The following CPAMD8 variants were observed in gnomAD, a reference collection of about 807,000 sequenced individuals.
The protein encoded by CPAMD8 is C3 and PZP like alpha-2-macroglobulin domain containing 8.
CPAMD8 carries 146 observed loss-of-function variants against 224.7 expected under a neutral mutation model. The ratio of observed to expected loss-of-function variants is 0.65; its 90% CI spans 0.57 to 0.75. CPAMD8 has a LOEUF of 0.75. Among genes scored for constraint, CPAMD8 ranks in the 30% least tolerant of loss-of-function variants. The probability of loss-of-function intolerance (pLI) is 0.00; values close to 1 mark genes in which losing one functional copy is unlikely to be tolerated. For synonymous variants in CPAMD8, 966 were observed against 1,044.6 expected (o/e 0.92, Z 1.45); for missense variants, 2,301 against 2,537.5 (o/e 0.91, Z 2.00).
chr19:17,001,901 C>G lies in CPAMD8; in HGVS notation c.758+365G>C, dbSNP rs561380496. On this transcript the variant is annotated intron_variant, in intron 9 of 41. Transcript: ENST00000443236. ...GGCACGGGAAAGGATGATGCTCTAG[C>G]GGGTGGCCACATCCTGGGGAGGGGA... 3.4e-5 allele frequency among the ~76,000 whole-genome samples: 5 copies of G among 149,054 alleles called. No individual in the cohort carries two copies. The East Asian group carries it at 6.1e-4, about 18-fold the overall frequency.
chr19:17,013,772 T>C (rs984368722), intron 3 of CPAMD8, among the ~76,000 whole-genome samples: 1 of 151,990 alleles, frequency 6.6e-6, no homozygotes, highest in Non-Finnish European at 1.5e-5. Context: ...CGGAATTATA[T>C]GTTTTAGAAT....
chr19:17,026,530 C>T (rs781033648), intron 1 of CPAMD8, 21 bp downstream of exon 1: 24 of 1,482,948 alleles, frequency 1.6e-5, no homozygotes, highest in Non-Finnish European at 2.1e-5. Context: ...CCGACCTCCT[C>T]TGTCGCCGGA....
At chr19:16,913,601 T>C (rs925970909) in intron 29 of CPAMD8, among the ~76,000 whole-genome samples, 1 of 152,096 alleles carries the variant, frequency 6.6e-6, no homozygotes, top group Admixed American at 6.6e-5. Context: ...ACTTACTCCA[T>C]GGTATTTTGT....
chr19:16,941,215 G>A (rs555340221), intron 22 of CPAMD8, among the ~76,000 whole-genome samples: 2 of 152,350 alleles, frequency 1.3e-5, no homozygotes, highest in African/African-American at 4.8e-5. Flanking sequence ...TTACAGGCAT[G>A]AGCCACTGTG....
intron 22 of CPAMD8, among the ~76,000 whole-genome samples, chr19:16,941,595 G>C (rs2053891432): frequency 6.6e-6 from 1 of 152,190 alleles, no homozygotes; most frequent in Admixed American, 6.5e-5. Context: ...GAGGGGCCTG[G>C]TGGAAGGTGA....
chr19:16,930,524 C>T (rs191315521), intron 23 of CPAMD8, among the ~76,000 whole-genome samples: 388 of 152,138 alleles, frequency 2.6e-3, no homozygotes, highest in Non-Finnish European at 3.3e-3. Flanking sequence ...ACACCTAAAG[C>T]GAAGAAGGAA....
chr19:16,952,633 C>T (rs1036374944), intron 19 of CPAMD8, among the ~76,000 whole-genome samples: 2 of 152,052 alleles, frequency 1.3e-5, no homozygotes, highest in African/African-American at 2.4e-5. Flanking sequence ...GCTGTGATCC[C>T]GCCACTGCAG....
At chr19:17,023,526 A>C (rs532708082) in intron 1 of CPAMD8, among the ~76,000 whole-genome samples, 1 of 152,264 alleles carries the variant, frequency 6.6e-6, no homozygotes, top group East Asian at 1.9e-4. Flanking sequence ...GGACCATGCA[A>C]TGAGATTAGG....
intron 14 of CPAMD8, among the ~76,000 whole-genome samples, chr19:16,979,802 C>A (rs9305084): frequency 0.47 from 71,816 of 151,532 alleles, 19,702 homozygotes; most frequent in African/African-American, 0.77. Flanking sequence ...ACCTTGCCTT[C>A]GCCTGAGAGA....
intron 23 of CPAMD8, among the ~76,000 whole-genome samples, chr19:16,934,980 C>T (rs1330939893): frequency 3.3e-5 from 5 of 152,014 alleles, no homozygotes; most frequent in Non-Finnish European, 7.4e-5. Context: ...CTCCCTATTC[C>T]CTCCTCCCCC....
At chr19:16,982,795 T>A (rs1407624912) in intron 13 of CPAMD8, among the ~76,000 whole-genome samples, 2 of 152,130 alleles carry the variant, frequency 1.3e-5, no homozygotes, top group African/African-American at 4.8e-5. Context: ...GCCATGACTG[T>A]GCCACCACCC....
chr19:17,020,279 C>A, intron 3 of CPAMD8, 52 bp downstream of exon 3: 8 of 1,438,672 alleles, frequency 5.6e-6, no homozygotes, highest in South Asian at 2.3e-5. Context: ...TGGCCCAATT[C>A]AATTCTTTAT....
At chr19:16,983,054 CCTT>C (rs2055573012) in intron 13 of CPAMD8, among the ~76,000 whole-genome samples, 1 of 152,314 alleles carries the variant, frequency 6.6e-6, no homozygotes, top group East Asian at 1.9e-4. Flanking sequence ...GTACCTTTCA[CCTT>C]CTGCCATGAT....
At position 16,999,384 on chromosome 19, in the gene CPAMD8, T is replaced by A. The variant is rs564643812; in HGVS notation, c.867+1030A>T. Among the ~76,000 whole-genome samples the A allele has an allele frequency of 4.6e-5, 7 of 151,394 alleles. No individual in the cohort carries two copies. The South Asian group carries it at 1.3e-3, about 27-fold the overall frequency. ...TCACGACGTCAGGAGATCGAGACCA[T>A]CCTAGCTAATACAGTGAAACCCCGT... is the stretch of plus-strand genomic sequence containing the variant. On this transcript the variant is annotated intron_variant, in intron 10 of 41. Coordinates refer to ENST00000443236, the MANE Select transcript of CPAMD8 (RefSeq NM_015692.5).
In CPAMD8 at chr19:16,899,898, AT is replaced by A. The variant is rs71180341; in HGVS notation, c.4774-350del. Among the ~76,000 whole-genome samples the A allele has an allele frequency of 0.072, 10,138 of 140,060 alleles. 356 individuals carry two copies. Among genetic ancestry groups the A allele is most frequent in the African/African-American group, 0.1 (3,868 of 37,570 alleles). 91.9% of individuals were successfully genotyped at this position (140,060 alleles called of 152,430 possible). ...GTTCAAGTTCCCCTCCCAGCCTGGG[AT>A]TTTTTTTTTTTTTTCAGTTTTTGAT... On this transcript the variant is annotated intron_variant, in intron 36 of 41. Transcript: ENST00000443236. The surrounding 1 kb of genome is among the most constrained non-coding windows in gnomAD (Gnocchi z 5.4).
At chr19:16,897,480 C>G (rs1277807540) in intron 39 of CPAMD8, 5 of 563,102 alleles carry the variant, frequency 8.9e-6, no homozygotes, top group Non-Finnish European at 1.6e-5. Flanking sequence ...ACTTACCACT[C>G]CCCCAGCCAC....
intron 27 of CPAMD8, among the ~76,000 whole-genome samples, chr19:16,915,842 TTCCTTCCC>T (rs1314292585): frequency 2.0e-5 from 3 of 151,674 alleles, no homozygotes; most frequent in Non-Finnish European, 4.4e-5. Context: ...CCTTCCTTCC[TTCCTTCCC>T]TCCCTCCCTC....
At chr19:16,978,904 T>C (rs1381050096) in intron 14 of CPAMD8, among the ~76,000 whole-genome samples, 1 of 149,848 alleles carries the variant, frequency 6.7e-6, no homozygotes, top group African/African-American at 2.5e-5. Context: ...CACCCATCCC[T>C]CTATTCATCA....
At chr19:16,937,129 C>T (rs2053720204) in intron 23 of CPAMD8, among the ~76,000 whole-genome samples, 2 of 150,158 alleles carry the variant, frequency 1.3e-5, no homozygotes, top group African/African-American at 4.9e-5. Flanking sequence ...CCATCCCTCC[C>T]TCCCTTCCTT....
Sources: gnomAD v4.1 joint callset for allele counts (sites outside exome capture counted in the v4.1 genomes callset) on GRCh38, gnomAD v4.1.1 for gene constraint, Gnocchi (gnomAD v3.1) non-coding constraint, MANE v1.5 for transcripts, NCBI Gene and HGNC (gene_info 2026-07-23, HGNC 2026-07-21) for gene names.